Variants in XRCC6 observed in about 807,000 individuals in gnomAD.
The protein encoded by XRCC6 is X-ray repair cross complementing 6.
Under a neutral mutation model 65.7 loss-of-function variants are expected in XRCC6, and 5 were observed. The observed-to-expected ratio is 0.08, with a 90% CI of 0.04 to 0.16. The LOEUF (loss-of-function observed/expected upper bound fraction) is 0.16. Ranked by LOEUF, XRCC6 falls within the 10% of genes least tolerant of loss-of-function variation. The pLI is 1.00. For synonymous variants in XRCC6, 270 were observed against 270.6 expected, an observed-to-expected ratio of 1.00 and a Z score of 0.02; for missense variants, 447 against 738.1, an observed-to-expected ratio of 0.61 and a Z score of 4.57.
chr22:41,636,719 A>G lies in XRCC6; in HGVS notation c.538A>G (p.Ser180Gly). 1 of 1,614,204 alleles carries G rather than the reference A, an allele frequency of 6.2e-7. No homozygotes were observed. Among genetic ancestry groups the G allele is most frequent in the Non-Finnish European group, 8.5e-7 (1 of 1,180,032 alleles). The change falls in exon 5 of 13, where the codon AGT (serine) becomes GGT (glycine). Residue 180 changes from serine (S) to glycine (G), a missense_variant. Transcript: ENST00000360079. ...TNEDNPHGND[S>G]AKASRARTKA... Reference sequence around the variant, plus strand: ...TGAAGACAACCCCCATGGCAATGACAGTGCCAAAGCCAGCCGGGCCAGGAC... The same window carrying G: ...TGAAGACAACCCCCATGGCAATGACGGTGCCAAAGCCAGCCGGGCCAGGAC...
chr22:41,640,210 G>A (rs539579683), intron 6 of XRCC6, among the ~76,000 whole-genome samples: 12 of 151,738 alleles, frequency 7.9e-5, no homozygotes, highest in East Asian at 3.9e-4. Context: ...GTGCAGTGGC[G>A]TGATCTCAGC....
chr22:41,646,593 G>A (rs548265748), intron 6 of XRCC6, among the ~76,000 whole-genome samples: 22 of 152,176 alleles, frequency 1.4e-4, no homozygotes, highest in African/African-American at 5.1e-4. Flanking sequence ...ACTATAAAAT[G>A]CAAATATTCC....
chr22:41,644,851 TAATATGTCATGATGGAAA>T (rs1035847822), intron 6 of XRCC6, among the ~76,000 whole-genome samples: 23 of 152,022 alleles, frequency 1.5e-4, no homozygotes, highest in African/African-American at 5.1e-4. Flanking sequence ...TGCTCTGGAG[TAATATGTCATGATGGAAA>T]AGTACATGAG....
intron 3 of XRCC6, among the ~76,000 whole-genome samples, chr22:41,629,739 G>C (rs1269656741): frequency 1.3e-5 from 2 of 152,084 alleles, no homozygotes; most frequent in Non-Finnish European, 2.9e-5. Flanking sequence ...GCGTGATCTT[G>C]GCTCACTGCA....
intron 2 of XRCC6, among the ~76,000 whole-genome samples, chr22:41,622,776 T>TA (rs57682350): frequency 0.01 from 1,499 of 148,356 alleles, 21 homozygotes; most frequent in African/African-American, 0.035. Flanking sequence ...CCGTCTGTAC[T>TA]AAAAAAAAAA....
At chr22:41,660,606 G>C (rs1198532312) in intron 11 of XRCC6, among the ~76,000 whole-genome samples, 1 of 152,038 alleles carries the variant, frequency 6.6e-6, no homozygotes, top group Non-Finnish European at 1.5e-5. Flanking sequence ...TCACCTCTCT[G>C]CTGGCCCTGT....
chr22:41,634,615 G>A (rs926385692), intron 3 of XRCC6, among the ~76,000 whole-genome samples: 1 of 150,664 alleles, frequency 6.6e-6, no homozygotes, highest in African/African-American at 2.4e-5. Context: ...CGCAATCTCA[G>A]CCCACTGCAA....
intron 11 of XRCC6, among the ~76,000 whole-genome samples, chr22:41,660,148 T>C (rs569219777): frequency 6.6e-4 from 101 of 152,330 alleles, no homozygotes; most frequent in African/African-American, 2.4e-3. Context: ...CCCTCCATGC[T>C]TGGCAAATAC....
chr22:41,635,539 A>G (rs2067800038), intron 3 of XRCC6, among the ~76,000 whole-genome samples: 1 of 151,828 alleles, frequency 6.6e-6, no homozygotes, highest in Admixed American at 6.6e-5. Context: ...TCCCTCTGAT[A>G]CTTCTTTTCC....
chr22:41,622,977 CA>C (rs1334356364), intron 2 of XRCC6, among the ~76,000 whole-genome samples: 1 of 151,490 alleles, frequency 6.6e-6, no homozygotes, highest in African/African-American at 2.4e-5. Flanking sequence ...ATAGGAAATA[CA>C]AAAAAGAAAA....
chr22:41,648,067 C>T (rs1388038594), intron 7 of XRCC6: 3 of 116,808 alleles, frequency 2.6e-5, no homozygotes, highest in African/African-American at 1.1e-4. Context: ...CTCCTCTCCC[C>T]TCCTCTCTTC....
chr22:41,641,271 C>T (rs1414218953), intron 6 of XRCC6, among the ~76,000 whole-genome samples: 3 of 151,058 alleles, frequency 2.0e-5, no homozygotes, highest in Admixed American at 6.6e-5. Flanking sequence ...ACTAACAATG[C>T]CTTAGGGCTA....
chr22:41,638,349 T>G (rs2067833527), intron 6 of XRCC6, among the ~76,000 whole-genome samples: 1 of 152,160 alleles, frequency 6.6e-6, no homozygotes, highest in African/African-American at 2.4e-5. Flanking sequence ...GAGTACAGCT[T>G]GACTACACAC....
chr22:41,650,855 T>A lies in XRCC6; in HGVS notation c.1093T>A (p.Ser365Thr). The A allele has an allele frequency of 6.2e-7, 1 of 1,614,136 alleles. No homozygotes were observed. Among genetic ancestry groups the A allele is most frequent in the Non-Finnish European group, 8.5e-7 (1 of 1,179,998 alleles). ...LLKKHHYLRPSLFVYPEESLV... is the reference protein window; with the variant it reads ...LLKKHHYLRPTLFVYPEESLV... ...GAAGAAACACCATTACCTGAGGCCC[T>A]CCCTGTTCGTGTACCCAGAGGAGTC... Residue 365 changes from serine to threonine, a missense_variant, in exon 8 of 13, where the codon TCC (serine) becomes ACC (threonine). This residue lies in a region of XRCC6 where 201 missense variants were observed against 374.1 expected (regional missense o/e 0.54). Coordinates refer to ENST00000360079, the MANE Select transcript of XRCC6 (RefSeq NM_001469.5).
chr22:41,663,239 A>C (rs2068115701), intron 12 of XRCC6, among the ~76,000 whole-genome samples: 1 of 152,096 alleles, frequency 6.6e-6, no homozygotes, highest in African/African-American at 2.4e-5. Context: ...TGAGTAGCTG[A>C]GACTGCAGGT....
intron 7 of XRCC6, among the ~76,000 whole-genome samples, chr22:41,647,306 G>C (rs1300532682): frequency 6.6e-6 from 1 of 152,050 alleles, no homozygotes; most frequent in African/African-American, 2.4e-5. Context: ...GGATCGACTG[G>C]GCACAGTGGC....
intron 7 of XRCC6, among the ~76,000 whole-genome samples, chr22:41,647,419 T>TA (rs1173149724): frequency 6.6e-6 from 1 of 151,884 alleles, no homozygotes; most frequent in East Asian, 1.9e-4. Flanking sequence ...CCATCTCTAC[T>TA]AAAAATACAA....
chr22:41,640,428 C>A (rs28384739), intron 6 of XRCC6, among the ~76,000 whole-genome samples: 2,607 of 152,258 alleles, frequency 0.017, 72 homozygotes, highest in African/African-American at 0.059. Flanking sequence ...GGATTAAGGG[C>A]GTGAGCCACC....
At chr22:41,627,609 C>CAAAAAAAAA (rs71184821) in intron 2 of XRCC6, among the ~76,000 whole-genome samples, 3 of 97,510 alleles carry the variant, frequency 3.1e-5, no homozygotes, top group Non-Finnish European at 5.8e-5. Flanking sequence ...GACTCCGTCT[C>CAAAAAAAAA]AAAAAAAAAA....
Sources: allele counts gnomAD v4.1 joint callset (sites outside exome capture counted in the v4.1 genomes callset), GRCh38; gene constraint gnomAD v4.1.1; regional missense constraint gnomAD v4.1.1; transcripts MANE v1.5; gene names NCBI Gene and HGNC (gene_info 2026-07-23, HGNC 2026-07-21).